Variants in ARHGAP44 observed in about 807,000 individuals in gnomAD.
ARHGAP44 encodes the protein rho GTPase-activating protein 44.
ARHGAP44 carries 43 observed loss-of-function variants against 106.8 expected under a neutral mutation model. The ratio of observed to expected loss-of-function variants is 0.40; its 90% CI spans 0.32 to 0.52. The LOEUF is 0.52. Among genes scored for constraint, ARHGAP44 ranks in the 20% least tolerant of loss-of-function variants. The probability of loss-of-function intolerance (pLI) is 0.48; values close to 1 mark genes in which losing one functional copy is unlikely to be tolerated. For synonymous variants in ARHGAP44, 439 were observed against 410.3 expected, an observed-to-expected ratio of 1.07 and a Z score of -0.85; for missense variants, 866 against 1,050.5, an observed-to-expected ratio of 0.82 and a Z score of 2.43.
intron 1 of ARHGAP44, among the ~76,000 whole-genome samples, chr17:12,884,654 C>T (rs926863114): frequency 1.1e-4 from 16 of 152,092 alleles, no homozygotes; most frequent in Admixed American, 9.2e-4. Context: ...ATTCTGTTAC[C>T]TCAAAAAGTT....
At chr17:12,903,662 T>C (rs370687553) in intron 3 of ARHGAP44, among the ~76,000 whole-genome samples, 3 of 152,294 alleles carry the variant, frequency 2.0e-5, no homozygotes, top group East Asian at 3.9e-4. Flanking sequence ...GTAAGTTCTT[T>C]AGTGGTGATT....
intron 1 of ARHGAP44, among the ~76,000 whole-genome samples, chr17:12,803,765 A>G (rs986349034): frequency 1.1e-4 from 17 of 152,280 alleles, no homozygotes; most frequent in Middle Eastern, 3.4e-3. Context: ...TTTTGAATAC[A>G]TGGACTGAAG....
At chr17:12,823,031 G>A (rs962926630) in intron 1 of ARHGAP44, among the ~76,000 whole-genome samples, 16 of 152,236 alleles carry the variant, frequency 1.1e-4, no homozygotes, top group Admixed American at 9.2e-4. Context: ...ACTTCGTGTC[G>A]ACTCTGTAAT....
At chr17:12,852,528 C>G (rs1334336635) in intron 1 of ARHGAP44, among the ~76,000 whole-genome samples, 1 of 147,770 alleles carries the variant, frequency 6.8e-6, no homozygotes. Flanking sequence ...GTTTTCTATT[C>G]TCTTTGGTTT....
rs576542236 is a variant in ARHGAP44, at chr17:12,985,071, A to G, written c.2317+163A>G. On this transcript the variant is annotated intron_variant, in intron 20 of 20. Transcript: ENST00000379672. ...CATAAGATCTCCTTAGAAGCCCACCAATGGAAAGCAACCCTGGAATCCATG... is the reference window on the plus strand; with the variant it reads ...CATAAGATCTCCTTAGAAGCCCACCGATGGAAAGCAACCCTGGAATCCATG... 2.1e-4 allele frequency: 179 copies of G among 850,976 alleles called. No homozygotes were observed. In the African/African-American group the frequency reaches 2.7e-3, roughly 13 times the overall value. 52.7% of individuals were successfully genotyped at this position (850,976 alleles called of 1,614,324 possible). A position where few individuals can be genotyped will look rare whatever the true frequency, so the allele number is the denominator to read the frequency against.
chr17:12,987,134 T>C lies in ARHGAP44; in HGVS notation c.2317+2226T>C, dbSNP rs199514956. On this transcript the variant is annotated intron_variant, in intron 20 of 20. Transcript: ENST00000379672. Reference sequence around the variant, plus strand: ...CATGAGTGGCGCAGTTTTGGATACGTGTGAGGGGGATTTTCAGGGTAAGCT... The same window carrying C: ...CATGAGTGGCGCAGTTTTGGATACGCGTGAGGGGGATTTTCAGGGTAAGCT... The C allele has an allele frequency of 3.0e-4, 460 of 1,534,950 alleles. 1 individual carries two copies. The Middle Eastern group carries it at 4.9e-3, about 16-fold the overall frequency.
rs555441067 is a variant in ARHGAP44 at position 12,810,756 on chromosome 17, G to A, written c.53+20865G>A. Among the ~76,000 whole-genome samples the A allele has an allele frequency of 6.6e-5, 10 of 152,254 alleles. No homozygotes were observed. The East Asian group carries it at 1.7e-3, about 27-fold the overall frequency. On this transcript the variant is annotated intron_variant, in intron 1 of 20. Transcript: ENST00000379672. The stretch of plus-strand genomic sequence containing the variant: ...CCACCCCAGACCTTTCCCTGTCTAT[G>A]TATCTCTTTCACTTGGTTGTTTCTC...
In ARHGAP44 at chr17:12,949,149, C is replaced by A; in HGVS notation, c.871C>A (p.Arg291=). Residue 291 remains arginine (R), a synonymous_variant, in exon 11 of 21, where the codon CGA becomes AGA. Transcript: ENST00000379672. The surrounding 1 kb of genome is among the most constrained non-coding windows in gnomAD (Gnocchi z 4.1). ...TCTGTCCTGTTGGTAGGGACTCTTCCGAGTAGCCCCCTCTGCCTCCAAACT... is the reference window on the plus strand; with the variant it reads ...TCTGTCCTGTTGGTAGGGACTCTTCAGAGTAGCCCCCTCTGCCTCCAAACT... The part of the protein sequence containing the change: ...ECGMQEEGLF[R]VAPSASKLKK... 3 of 1,569,080 alleles carry A rather than the reference C, an allele frequency of 1.9e-6. No individual in the cohort carries two copies. Among genetic ancestry groups the A allele is most frequent in the Non-Finnish European group, 2.6e-6 (3 of 1,157,122 alleles).
At chr17:12,829,199 G>A (rs981515765) in intron 1 of ARHGAP44, among the ~76,000 whole-genome samples, 1 of 151,988 alleles carries the variant, frequency 6.6e-6, no homozygotes, top group African/African-American at 2.4e-5. Flanking sequence ...CCTTAACTGT[G>A]TTCCTATATC....
At chr17:12,917,395 A>G (rs913833676) in intron 5 of ARHGAP44, 1 of 152,834 alleles carries the variant, frequency 6.5e-6, no homozygotes, top group Non-Finnish European at 1.5e-5. Context: ...AGCCCCGAAT[A>G]TGAGGTGGAA....
intron 1 of ARHGAP44, among the ~76,000 whole-genome samples, chr17:12,835,421 G>A (rs552235278): frequency 3.3e-5 from 5 of 152,256 alleles, no homozygotes; most frequent in African/African-American, 4.8e-5. Flanking sequence ...AATCAATACC[G>A]TAGGCATGAT....
intron 6 of ARHGAP44, among the ~76,000 whole-genome samples, chr17:12,920,187 A>G (rs955740140): frequency 2.6e-5 from 4 of 152,204 alleles, no homozygotes; most frequent in South Asian, 4.1e-4. Flanking sequence ...CATCCTGGCT[A>G]ACATGGTGAA....
At chr17:12,970,707 A>G (rs1388898641) in intron 16 of ARHGAP44, among the ~76,000 whole-genome samples, 1 of 152,210 alleles carries the variant, frequency 6.6e-6, no homozygotes, top group Non-Finnish European at 1.5e-5. Flanking sequence ...CTCCTTTCTT[A>G]AGAAACAGCA....
chr17:12,919,151 A>T (rs1313155793), intron 5 of ARHGAP44, among the ~76,000 whole-genome samples: 1 of 152,196 alleles, frequency 6.6e-6, no homozygotes, highest in Non-Finnish European at 1.5e-5. Context: ...ACCATCAAAA[A>T]AAGAAAATAG....
chr17:12,986,039 G>C (rs1165237965), intron 20 of ARHGAP44: 3 of 152,212 alleles, frequency 2.0e-5, no homozygotes, highest in Non-Finnish European at 4.4e-5. Flanking sequence ...GACCCTGTGG[G>C]GTTCAGCTCC....
At chr17:12,862,762 A>C (rs750766844) in intron 1 of ARHGAP44, among the ~76,000 whole-genome samples, 4 of 152,164 alleles carry the variant, frequency 2.6e-5, no homozygotes, top group Non-Finnish European at 5.9e-5. Context: ...TGGGAGGCTG[A>C]GGTGGCAGGA....
At position 12,949,673 on chromosome 17, in the gene ARHGAP44, A is replaced by G; in HGVS notation, c.998A>G (p.Glu333Gly). 1 of 1,613,820 alleles carries G rather than the reference A, an allele frequency of 6.2e-7. No individual in the cohort carries two copies. The highest frequency in any genetic ancestry group is 8.5e-7 in the Non-Finnish European group (1 of 1,179,854). The change falls in exon 12 of 21, where the codon GAG becomes GGG. Residue 333 changes from glutamate (E) to glycine (G), a missense_variant. Glu to Gly is a moderately conservative substitution (Grantham distance 98, BLOSUM62 -2). Coordinates refer to ENST00000379672, the MANE Select transcript of ARHGAP44 (RefSeq NM_014859.6). This position sits in a 1 kb window ranked among gnomAD's most constrained non-coding sequence, Gnocchi z 4.1. ...GGAGCTTTGAAATCTTACCTCCGAG[A>G]GTTGCCAGAACCTCTTATGACCTTT... is the stretch of plus-strand genomic sequence containing the variant. Reference protein sequence around the residue: ...IAGALKSYLRELPEPLMTFEL... With the variant: ...IAGALKSYLRGLPEPLMTFEL...
chr17:12,920,615 G>T (rs2038054388), intron 6 of ARHGAP44, among the ~76,000 whole-genome samples: 1 of 152,084 alleles, frequency 6.6e-6, no homozygotes, highest in Non-Finnish European at 1.5e-5. Flanking sequence ...CATGGCTGGG[G>T]CGGAAGGAGC....
At chr17:12,926,466 A>ATATT (rs1567691116) in intron 6 of ARHGAP44, among the ~76,000 whole-genome samples, 1 of 108,290 alleles carries the variant, frequency 9.2e-6, no homozygotes, top group South Asian at 3.2e-4. Flanking sequence ...ATACATATAT[A>ATATT]ATATATATAA....
Sources: allele counts gnomAD v4.1 joint callset (sites outside exome capture counted in the v4.1 genomes callset), GRCh38; gene constraint gnomAD v4.1.1; non-coding constraint Gnocchi (gnomAD v3.1); transcripts MANE v1.5; gene names NCBI Gene and HGNC (gene_info 2026-07-23, HGNC 2026-07-21).